Variants in ELFN1 observed in about 807,000 individuals in gnomAD.
The protein encoded by ELFN1 is protein ELFN1.
A neutral mutation model predicts 7.6 loss-of-function variants in ELFN1; 6 were observed. That is an observed-to-expected ratio of 0.79 (90% CI 0.43 to 1.56). The LOEUF (loss-of-function observed/expected upper bound fraction) is 1.56. ELFN1 is among the 40% of genes most tolerant of loss of function. The pLI is 0.01. For synonymous variants in ELFN1, 657 were observed against 588.1 expected, an observed-to-expected ratio of 1.12 and a Z score of -1.70; for missense variants, 1,169 against 1,232.2, an observed-to-expected ratio of 0.95 and a Z score of 0.77.
At chr7:1,744,221 C>A in intron 3 of ELFN1, 83 bp from the exon 4 acceptor site, 1 of 254,810 alleles carries the variant, frequency 3.9e-6, no homozygotes, top group Non-Finnish European at 7.3e-6. Context: ...CATTGGGATG[C>A]CGCCGCTGTG....
intron 2 of ELFN1, among the ~76,000 whole-genome samples, chr7:1,694,933 C>A (rs1779268468): frequency 1.3e-5 from 2 of 152,232 alleles, no homozygotes; most frequent in South Asian, 4.1e-4. Context: ...CTCTGAGAGT[C>A]TCCCTGACCC....
chr7:1,727,266 G>A (rs925972021), intron 3 of ELFN1, among the ~76,000 whole-genome samples: 2 of 152,230 alleles, frequency 1.3e-5, no homozygotes, highest in African/African-American at 4.8e-5. Context: ...CCACCATGCA[G>A]TCTTGCTCTT....
intron 2 of ELFN1, among the ~76,000 whole-genome samples, chr7:1,704,217 C>CT (rs961654571): frequency 6.6e-6 from 1 of 152,158 alleles, no homozygotes; most frequent in African/African-American, 2.4e-5. Context: ...GTGGGGGACC[C>CT]TGCCAGCTGT....
Position 1,746,447 on chromosome 7 carries a change from G to A in ELFN1, c.1851G>A (p.Lys617=). The stretch of plus-strand genomic sequence containing the variant: ...ACGGCTTCCTGGCGCCCGGGTACAA[G>A]GACGCCTTCGGCCACAGCCTGCAGC... ...AKHGFLAPGY[K]DAFGHSLQRH... Residue 617 remains lysine (K), a synonymous_variant, in exon 4 of 4, where the codon AAG becomes AAA. Transcript: ENST00000424383. The A allele has an allele frequency of 6.5e-7, 1 of 1,528,790 alleles. No individual in the cohort carries two copies. The highest frequency in any genetic ancestry group is 8.8e-7 in the Non-Finnish European group (1 of 1,141,808). The allele number at this position is 1,528,790 out of a possible 1,614,324, so 94.7% of individuals were successfully genotyped here. A position where few individuals can be genotyped will look rare whatever the true frequency, so the allele number is the denominator to read the frequency against.
At chr7:1,680,367 G>A (rs1392748991) in intron 1 of ELFN1, among the ~76,000 whole-genome samples, 2 of 152,220 alleles carry the variant, frequency 1.3e-5, no homozygotes, top group Non-Finnish European at 2.9e-5. Context: ...TGGTCAAGAC[G>A]TGGATGGTCT....
intron 1 of ELFN1, among the ~76,000 whole-genome samples, chr7:1,671,084 C>T (rs1457401533): frequency 1.3e-5 from 2 of 152,100 alleles, no homozygotes; most frequent in South Asian, 4.2e-4. Flanking sequence ...AAGACAAGCG[C>T]CCCCATTTCC....
intron 1 of ELFN1, among the ~76,000 whole-genome samples, chr7:1,682,393 A>G (rs1309429377): frequency 6.6e-6 from 1 of 151,552 alleles, no homozygotes; most frequent in East Asian, 1.9e-4. Context: ...TTATTTCTGG[A>G]CTCTCAATTC....
rs540325564 is a variant in ELFN1, at chr7:1,729,815, G to A, written c.-293-14489G>A. On this transcript the variant is annotated intron_variant, in intron 3 of 3. Transcript: ENST00000424383. Reference sequence around the variant, plus strand: ...CCTTTTCTCCTATGTTAGAACAGCCGTCCCGAAGGGGCTGAGATTGCAGTT... The same window carrying A: ...CCTTTTCTCCTATGTTAGAACAGCCATCCCGAAGGGGCTGAGATTGCAGTT... 8.2e-4 allele frequency among the ~76,000 whole-genome samples: 125 copies of A among 152,338 alleles called. 1 individual carries two copies. Among genetic ancestry groups the A allele is most frequent in the African/African-American group, 2.6e-3 (107 of 41,574 alleles).
chr7:1,676,952 G>A (rs1490529381), intron 1 of ELFN1, among the ~76,000 whole-genome samples: 1 of 152,152 alleles, frequency 6.6e-6, no homozygotes. Context: ...GGGTTTTTAA[G>A]GGCACACGAG....
In ELFN1 at chr7:1,739,734, G is replaced by A. The variant is rs1780554676; in HGVS notation, c.-293-4570G>A. 6.6e-6 allele frequency among the ~76,000 whole-genome samples: 1 copy of A among 152,284 alleles called. No homozygotes were observed. Among genetic ancestry groups the A allele is most frequent in the Admixed American group, 6.5e-5 (1 of 15,306 alleles). On this transcript the variant is annotated intron_variant, in intron 3 of 3. Transcript: ENST00000424383. This position sits in a 1 kb window ranked among gnomAD's most constrained non-coding sequence, Gnocchi z 4.6. ...GCAGCTTCCTGGGCCAAGGGCTGCCGAGAGGCTGAGCAAGACAAAAATGGG... is the reference window on the plus strand; with the variant it reads ...GCAGCTTCCTGGGCCAAGGGCTGCCAAGAGGCTGAGCAAGACAAAAATGGG...
At chr7:1,702,897 A>T (rs568545445) in intron 2 of ELFN1, among the ~76,000 whole-genome samples, 52 of 151,018 alleles carry the variant, frequency 3.4e-4, no homozygotes, top group South Asian at 1.7e-3. Context: ...GTTGCTCTTG[A>T]TTGCAAAAAG....
chr7:1,682,098 AT>A (rs1487654208), intron 1 of ELFN1, among the ~76,000 whole-genome samples: 1 of 152,120 alleles, frequency 6.6e-6, no homozygotes, highest in Non-Finnish European at 1.5e-5. Context: ...GAGCACAGAC[AT>A]TTTTTAACTT....
At chr7:1,686,407 G>A (rs2128578428) in intron 1 of ELFN1, among the ~76,000 whole-genome samples, 1 of 151,130 alleles carries the variant, frequency 6.6e-6, no homozygotes. Flanking sequence ...GGAACTCCTG[G>A]GCTTGAGTTA....
chr7:1,669,235 G>C (rs1778715639), upstream of ELFN1, among the ~76,000 whole-genome samples: 1 of 152,230 alleles, frequency 6.6e-6, no homozygotes, highest in South Asian at 2.1e-4. Context: ...CCTTTGAATT[G>C]AGTCAACTCT....
chr7:1,710,617 G>A (rs559606736), intron 3 of ELFN1, among the ~76,000 whole-genome samples: 44 of 152,288 alleles, frequency 2.9e-4, no homozygotes, highest in East Asian at 1.2e-3. Context: ...ACTGAGGCCC[G>A]GGGGGCCACA....
intron 2 of ELFN1, among the ~76,000 whole-genome samples, chr7:1,689,340 A>G (rs1044204153): frequency 2.6e-5 from 4 of 152,260 alleles, no homozygotes; most frequent in South Asian, 2.1e-4. Context: ...TCACCATTCC[A>G]GTCATCTAAT....
intron 3 of ELFN1, among the ~76,000 whole-genome samples, chr7:1,713,539 C>T (rs949549723): frequency 2.6e-4 from 39 of 152,170 alleles, no homozygotes; most frequent in Admixed American, 7.2e-4. Context: ...TTTATCCAGG[C>T]AGTGATTGAG....
chr7:1,707,128 G>A (rs1779550685), intron 2 of ELFN1, among the ~76,000 whole-genome samples: 4 of 152,254 alleles, frequency 2.6e-5, no homozygotes, highest in African/African-American at 9.6e-5. Context: ...TGCACACCGT[G>A]CCCAGCACAC....
chr7:1,700,092 T>C (rs1160832201), intron 2 of ELFN1, among the ~76,000 whole-genome samples: 1 of 152,238 alleles, frequency 6.6e-6, no homozygotes, highest in Non-Finnish European at 1.5e-5. Flanking sequence ...TACATGGTTT[T>C]CTCTCTGGGA....
Sources: gnomAD v4.1 joint callset for allele counts (sites outside exome capture counted in the v4.1 genomes callset) on GRCh38, gnomAD v4.1.1 for gene constraint, Gnocchi (gnomAD v3.1) non-coding constraint, MANE v1.5 for transcripts, NCBI Gene and HGNC (gene_info 2026-07-23, HGNC 2026-07-21) for gene names.